ATG7: variants seen among roughly 807,000 people sequenced by gnomAD.
The protein encoded by ATG7 is autophagy related 7.
In ATG7, 70 loss-of-function variants were observed where a neutral mutation model predicts 82.4. The observed-to-expected ratio is 0.85, with a 90% confidence interval of 0.70 to 1.04. The LOEUF (loss-of-function observed/expected upper bound fraction) is 1.04. Among genes scored for constraint, ATG7 ranks in the 50% least tolerant of loss-of-function variants. The pLI is 0.00. For missense variants in ATG7, 792 were observed against 864.3 expected (o/e 0.92, Z 1.05); for synonymous variants, 287 against 313.0 (o/e 0.92, Z 0.88).
At position 11,352,011 on chromosome 3, in the gene ATG7, G is replaced by A. The variant is rs531492575; in HGVS notation, c.1284+3976G>A. ...TGCTATCCCTCCCCCCTCCCTCCAC[G>A]CCACGACAGGCACTTGTGTGTGATG... On this transcript the variant is annotated intron_variant, in intron 14 of 20. Transcript: ENST00000693202. Among the ~76,000 whole-genome samples the A allele has an allele frequency of 9.2e-5, 8 of 86,698 alleles. No individual in the cohort carries two copies. The South Asian group carries it at 2.5e-3, about 27-fold the overall frequency. The allele number at this position is 86,698 out of a possible 152,430, so 56.9% of individuals were successfully genotyped here.
intron 8 of ATG7, among the ~76,000 whole-genome samples, chr3:11,314,927 A>G (rs1949180569): frequency 6.6e-6 from 1 of 152,154 alleles, no homozygotes; most frequent in Non-Finnish European, 1.5e-5. Context: ...TGTCTCAAAA[A>G]GTAGTAAATG....
At chr3:11,288,096 T>G (rs1476105623) in intron 3 of ATG7, among the ~76,000 whole-genome samples, 2 of 152,342 alleles carry the variant, frequency 1.3e-5, no homozygotes, top group African/African-American at 4.8e-5. Context: ...CTGGCCTTCT[T>G]CAGGAAAAGC....
At chr3:11,537,397 C>T (rs2070409834) in intron 20 of ATG7, among the ~76,000 whole-genome samples, 1 of 152,160 alleles carries the variant, frequency 6.6e-6, no homozygotes, top group East Asian at 1.9e-4. Context: ...AGGGACCTCC[C>T]AGGGCAGGGA....
chr3:11,415,221 TA>T (rs2081268023), intron 19 of ATG7, among the ~76,000 whole-genome samples: 1 of 152,204 alleles, frequency 6.6e-6, no homozygotes, highest in African/African-American at 2.4e-5. Context: ...AAGATTTTTT[TA>T]AAATGGTACA....
intron 20 of ATG7, among the ~76,000 whole-genome samples, chr3:11,450,243 G>A (rs566163300): frequency 6.6e-6 from 1 of 152,294 alleles, no homozygotes; most frequent in African/African-American, 2.4e-5. Context: ...CAAGTCGTTT[G>A]GCTCCAGAGC....
Position 11,478,989 on chromosome 3 carries a change from A to AACACACACAAACACACACACAC in ATG7, c.2079+52072_2079+52073insAACACACACACACACACACACA, listed in dbSNP as rs766632953. Among the ~76,000 whole-genome samples the AACACACACAAACACACACACAC allele has an allele frequency of 2.5e-3, 182 of 73,114 alleles. 6 individuals carry two copies. The highest frequency in any genetic ancestry group is 3.0e-3 in the Non-Finnish European group (125 of 41,284). 48.0% of individuals were successfully genotyped at this position (73,114 alleles called of 152,430 possible). A position where few individuals can be genotyped will look rare whatever the true frequency, so the allele number is the denominator to read the frequency against. On this transcript the variant is annotated intron_variant, in intron 20 of 20. Transcript: ENST00000693202. ...TTTGAATATGTGCCTGTATATTTAC[A>AACACACACAAACACACACACAC]ACACACACACACACACACACACACA... is the stretch of plus-strand genomic sequence containing the variant.
At chr3:11,529,062 A>G (rs533321163) in intron 20 of ATG7, among the ~76,000 whole-genome samples, 158 of 151,996 alleles carry the variant, frequency 1.0e-3, no homozygotes, top group African/African-American at 3.7e-3. Flanking sequence ...GGCACTGTGG[A>G]AAAAAGGGGG....
chr3:11,408,620 G>T lies in ATG7; in HGVS notation c.1957-18184G>T, dbSNP rs150312387. On this transcript the variant is annotated intron_variant, in intron 19 of 20. Transcript: ENST00000693202. ...ATGGTTGGGGAGGCCTTACAATCCT[G>T]GTGGAAGGTAAGGAGGAGCAAGTCA... Among the ~76,000 whole-genome samples the T allele has an allele frequency of 4.8e-3, 735 of 152,302 alleles. 6 individuals are homozygous for T. Among genetic ancestry groups the T allele is most frequent in the African/African-American group, 0.017 (704 of 41,556 alleles).
intron 20 of ATG7, among the ~76,000 whole-genome samples, chr3:11,452,410 G>GAAAAAAAAAAAAAAAAAAAAAAAAAAAA (rs2085286455): frequency 1.8e-5 from 2 of 110,720 alleles, no homozygotes. Context: ...AAAAAAAAAG[G>GAAAAAAAAAAAAAAAAAAAAAAAAAAAA]AAATGTTCTG....
At chr3:11,471,693 T>C (rs1044688531) in intron 20 of ATG7, among the ~76,000 whole-genome samples, 75 of 140,978 alleles carry the variant, frequency 5.3e-4, no homozygotes, top group Non-Finnish European at 9.9e-4. Flanking sequence ...ATTCCAACTC[T>C]TTTTTTTTTT....
In ATG7 at chr3:11,528,742, C is replaced by CT. The variant is rs561067584; in HGVS notation, c.2080-26067dup. 8.8e-5 allele frequency among the ~76,000 whole-genome samples: 13 copies of CT among 148,186 alleles called. No homozygotes were observed. In the East Asian group the frequency reaches 2.7e-3, roughly 30 times the overall value. On this transcript the variant is annotated intron_variant, in intron 20 of 20. Transcript: ENST00000693202. ...TCGGGAGGCTGAGGCAGGAGAATCA[C>CT]TTGAACCCAGGAGGCGGAGGTTGCA...
intron 20 of ATG7, among the ~76,000 whole-genome samples, chr3:11,433,709 C>T (rs556686182): frequency 2.6e-5 from 4 of 152,132 alleles, no homozygotes; most frequent in African/African-American, 9.7e-5. Flanking sequence ...TTGCCTTGAC[C>T]ATATTGTCAG....
intron 20 of ATG7, among the ~76,000 whole-genome samples, chr3:11,472,826 T>C (rs1192046121): frequency 1.3e-5 from 2 of 149,650 alleles, no homozygotes; most frequent in Non-Finnish European, 2.9e-5. Context: ...AGACTTGGAA[T>C]GCCAAATGCG....
At chr3:11,504,353 G>A (rs1333033171) in intron 20 of ATG7, among the ~76,000 whole-genome samples, 1 of 152,204 alleles carries the variant, frequency 6.6e-6, no homozygotes, top group Non-Finnish European at 1.5e-5. Context: ...CACAAGATCA[G>A]ATAAACAAAA....
chr3:11,388,406 C>G (rs1441550974), intron 19 of ATG7, among the ~76,000 whole-genome samples: 1 of 151,948 alleles, frequency 6.6e-6, no homozygotes, highest in East Asian at 1.9e-4. Flanking sequence ...GCAAAGGTCC[C>G]CAACTAGCCA....
intron 20 of ATG7, among the ~76,000 whole-genome samples, chr3:11,498,797 T>G (rs1187593468): frequency 1.3e-5 from 2 of 152,252 alleles, no homozygotes; most frequent in Admixed American, 1.3e-4. Flanking sequence ...TGTTTGACTC[T>G]GTCCTAGGCT....
intron 20 of ATG7, among the ~76,000 whole-genome samples, chr3:11,492,006 G>A (rs541672352): frequency 4.5e-4 from 68 of 152,272 alleles, no homozygotes; most frequent in Admixed American, 7.2e-4. Flanking sequence ...TGAGCTTCCC[G>A]GCTGCTTTGT....
intron 1 of ATG7, among the ~76,000 whole-genome samples, chr3:11,273,955 A>G (rs765381356): frequency 6.6e-6 from 1 of 152,154 alleles, no homozygotes; most frequent in African/African-American, 2.4e-5. Flanking sequence ...GGAATGGCTC[A>G]TGTTGCTAAA....
the ATG7 span, among the ~76,000 whole-genome samples, chr3:11,566,507 C>T: frequency 6.6e-6 from 1 of 152,208 alleles, no homozygotes; most frequent in Non-Finnish European, 1.5e-5. Context: ...TTTTTAGCAG[C>T]TCAGCACGGG....
Sources: allele counts gnomAD v4.1 joint callset (sites outside exome capture counted in the v4.1 genomes callset), GRCh38; gene constraint gnomAD v4.1.1; transcripts MANE v1.5; gene names NCBI Gene and HGNC (gene_info 2026-07-23, HGNC 2026-07-21).